The following DNAH8 variants were observed in gnomAD, a reference collection of about 807,000 sequenced individuals.
The protein encoded by DNAH8 is axonemal beta dynein heavy chain 8.
In DNAH8, 382 loss-of-function variants were observed where a neutral mutation model predicts 562.1. The observed-to-expected ratio is 0.68, with a 90% confidence interval of 0.63 to 0.74. The LOEUF (loss-of-function observed/expected upper bound fraction) is 0.74. Among genes scored for constraint, DNAH8 ranks in the 30% least tolerant of loss-of-function variants. DNAH8 has a pLI of 0.00. For missense variants in DNAH8, 5,203 were observed against 5,620.4 expected, an observed-to-expected ratio of 0.93 and a Z score of 2.37; for synonymous variants, 1,881 against 1,919.4, an observed-to-expected ratio of 0.98 and a Z score of 0.52.
intron 21 of DNAH8, 49 bp from the exon 22 acceptor site, chr6:38,803,130 T>G: frequency 7.4e-7 from 1 of 1,356,290 alleles, no homozygotes; most frequent in Non-Finnish European, 1.0e-6. Context: ...ATTTTCACAG[T>G]GTTACTTTTA....
At chr6:38,829,269 T>C (rs1308188165) in intron 30 of DNAH8, among the ~76,000 whole-genome samples, 1 of 152,162 alleles carries the variant, frequency 6.6e-6, no homozygotes, top group African/African-American at 2.4e-5. Context: ...GCAAATGTTT[T>C]CTCTTCTGTG....
chr6:38,752,960 G>T (rs1765591965), intron 9 of DNAH8, among the ~76,000 whole-genome samples: 1 of 151,878 alleles, frequency 6.6e-6, no homozygotes, highest in Non-Finnish European at 1.5e-5. Flanking sequence ...TTAGATTCGG[G>T]GGTACATGTG....
chr6:38,811,791 C>T (rs1437411559), intron 24 of DNAH8, among the ~76,000 whole-genome samples: 1 of 152,090 alleles, frequency 6.6e-6, no homozygotes, highest in African/African-American at 2.4e-5. Context: ...TTTTGTGTTT[C>T]TTTTTCCTTC....
chr6:38,756,364 T>C lies in DNAH8; in HGVS notation c.1515+285T>C, dbSNP rs116238139. 3.3e-3 allele frequency among the ~76,000 whole-genome samples: 510 copies of C among 152,290 alleles called. 4 individuals are homozygous for C. The highest frequency in any genetic ancestry group is 0.012 in the African/African-American group (480 of 41,562). On this transcript the variant is annotated intron_variant, in intron 10 of 92. Transcript: ENST00000327475. ...AATAGTTTTGATTCTACCCAAGAGA[T>C]AGGAGTGTGTCTACTATTAACAGTG...
chr6:38,980,942 A>AT (rs966495595), intron 85 of DNAH8, among the ~76,000 whole-genome samples: 13 of 150,966 alleles, frequency 8.6e-5, no homozygotes, highest in African/African-American at 1.5e-4. Flanking sequence ...ATTTATTTAG[A>AT]TTTTTTTTTA....
chr6:38,741,655 A>C, intron 7 of DNAH8, 56 bp from the exon 8 acceptor site: 1 of 1,444,076 alleles, frequency 6.9e-7, no homozygotes, highest in Admixed American at 2.3e-5. Context: ...ATGCAATCAG[A>C]TTTTAACAAA....
intron 4 of DNAH8, among the ~76,000 whole-genome samples, chr6:38,733,534 G>A (rs765703650): frequency 3.0e-4 from 46 of 152,298 alleles, no homozygotes; most frequent in Non-Finnish European, 4.3e-4. Context: ...AGGAGAACAG[G>A]TTGTATAAGG....
At chr6:38,899,269 A>T (rs1265061820) in intron 61 of DNAH8, among the ~76,000 whole-genome samples, 2 of 152,202 alleles carry the variant, frequency 1.3e-5, no homozygotes, top group Non-Finnish European at 2.9e-5. Flanking sequence ...GCTTCTAGAA[A>T]CATCCTCCTA....
chr6:38,808,043 C>T (rs1420762879), intron 24 of DNAH8, among the ~76,000 whole-genome samples: 6 of 152,144 alleles, frequency 3.9e-5, no homozygotes, highest in Non-Finnish European at 7.4e-5. Flanking sequence ...CCCCAATCCA[C>T]GTATCATTTA....
intron 78 of DNAH8, 92 bp downstream of exon 78, chr6:38,938,318 T>C (rs1783135775): frequency 2.8e-6 from 4 of 1,431,214 alleles, no homozygotes; most frequent in Middle Eastern, 3.6e-4. Flanking sequence ...CTATTCACAA[T>C]AGCAAAGACA....
At chr6:38,900,899 G>A (rs1216995010) in intron 62 of DNAH8, among the ~76,000 whole-genome samples, 1 of 152,182 alleles carries the variant, frequency 6.6e-6, no homozygotes, top group Non-Finnish European at 1.5e-5. Context: ...GTGAGCCACC[G>A]CGCCTGGCCG....
intron 79 of DNAH8, among the ~76,000 whole-genome samples, chr6:38,940,759 A>G (rs1441738368): frequency 1.3e-5 from 2 of 152,182 alleles, no homozygotes; most frequent in Non-Finnish European, 1.5e-5. Flanking sequence ...AAGGCGGGGA[A>G]ACAGTTTGTG....
In DNAH8 at chr6:38,982,414, C is replaced by G. The variant is rs1457849165; in HGVS notation, c.12903C>G (p.Ala4301=). 1 of 1,610,568 alleles carries G rather than the reference C, an allele frequency of 6.2e-7. No individual in the cohort carries two copies. The highest frequency in any genetic ancestry group is 8.5e-7 in the Non-Finnish European group (1 of 1,177,110). ...AATTCAATTCTGCTGACTTTTCAGC[C>G]AGTGTTCAGTTTATTCAGAATCACC... The part of the protein sequence containing the change: ...PYEFNSADFS[A]SVQFIQNHLD... The change falls in exon 86 of 93, where the codon GCC becomes GCG. Residue 4301 remains alanine, a synonymous_variant. Transcript: ENST00000327475.
chr6:38,935,632 C>G lies in DNAH8; in HGVS notation c.11498C>G (p.Thr3833Ser). The change falls in exon 77 of 93, where the codon ACT becomes AGT. Residue 3833 changes from threonine to serine, a missense_variant. Physicochemically the swap from Thr to Ser is moderately conservative, Grantham distance 58. This residue lies in a region of DNAH8 where 1,399 missense variants were observed against 1,518.4 expected (regional missense o/e 0.92). Coordinates refer to ENST00000327475, the MANE Select transcript of DNAH8 (RefSeq NM_001206927.2). ...AGGGTTAAACTTTTGGAGGATGTTA[C>G]TTTTAATAAGCGGAAGATGAAAGAA... ...AERVKLLEDV[T>S]FNKRKMKELE... 6.2e-7 allele frequency: 1 copy of G among 1,613,148 alleles called. No homozygotes were observed. Among genetic ancestry groups the G allele is most frequent in the Non-Finnish European group, 8.5e-7 (1 of 1,179,698 alleles).
intron 18 of DNAH8, among the ~76,000 whole-genome samples, chr6:38,787,604 G>A (rs1481701969): frequency 6.6e-6 from 1 of 150,708 alleles, no homozygotes; most frequent in Non-Finnish European, 1.5e-5. Context: ...GCTGAGGCAG[G>A]AGAATTGCCT....
At position 38,836,176 on chromosome 6, in the gene DNAH8, G is replaced by T. The variant is rs558636920; in HGVS notation, c.4365+1535G>T. ...GGAGGAGTAGCTTTGGGGCTTGTTT[G>T]AGCGGATGACCTTGTTTTCAAGTTT... is the stretch of plus-strand genomic sequence containing the variant. On this transcript the variant is annotated intron_variant, in intron 32 of 92. Transcript: ENST00000327475. Among the ~76,000 whole-genome samples, 349 of 152,292 alleles carry T rather than the reference G, an allele frequency of 2.3e-3. 1 individual carries two copies. The highest frequency in any genetic ancestry group is 2.7e-3 in the Non-Finnish European group (187 of 68,034).
intron 53 of DNAH8, among the ~76,000 whole-genome samples, chr6:38,879,938 T>C (rs1025086896): frequency 6.6e-6 from 1 of 152,066 alleles, no homozygotes; most frequent in Non-Finnish European, 1.5e-5. Context: ...GAATACCAGT[T>C]AAAATAGAAC....
intron 11 of DNAH8, among the ~76,000 whole-genome samples, chr6:38,762,192 A>C (rs1766589215): frequency 6.6e-6 from 1 of 152,176 alleles, no homozygotes; most frequent in African/African-American, 2.4e-5. Flanking sequence ...AATGTTTCTA[A>C]CGTTTCCCCC....
intron 79 of DNAH8, among the ~76,000 whole-genome samples, chr6:38,944,577 A>G (rs1301984416): frequency 1.3e-5 from 2 of 152,234 alleles, no homozygotes; most frequent in East Asian, 1.9e-4. Context: ...ATTACTAAAG[A>G]CATGCAATAG....
Sources: allele counts gnomAD v4.1 joint callset (sites outside exome capture counted in the v4.1 genomes callset), GRCh38; gene constraint gnomAD v4.1.1; regional missense constraint gnomAD v4.1.1; transcripts MANE v1.5; gene names NCBI Gene and HGNC (gene_info 2026-07-23, HGNC 2026-07-21).